RELN: variants seen among roughly 807,000 people sequenced by gnomAD.
RELN encodes reelin.
RELN carries 108 observed loss-of-function variants against 427.6 expected under a neutral mutation model. The ratio of observed to expected loss-of-function variants is 0.25; its 90% CI spans 0.22 to 0.30. The LOEUF (loss-of-function observed/expected upper bound fraction) is 0.30, where lower values mean the gene tolerates loss of function less well. Among genes scored for constraint, RELN ranks in the 10% least tolerant of loss-of-function variants. RELN has a pLI of 1.00. For missense variants in RELN, 3,715 were observed against 4,302.8 expected, an observed-to-expected ratio of 0.86 and a Z score of 3.82; for synonymous variants, 1,524 against 1,513.4, an observed-to-expected ratio of 1.01 and a Z score of -0.16.
Position 103,620,443 on chromosome 7 carries a change from G to A in RELN, c.2703-8640C>T, listed in dbSNP as rs534604332. Among the ~76,000 whole-genome samples, 3 of 150,010 alleles carry A rather than the reference G, an allele frequency of 2.0e-5. No individual in the cohort carries two copies. Among genetic ancestry groups the A allele is most frequent in the African/African-American group, 4.9e-5 (2 of 40,706 alleles). On this transcript the variant is annotated intron_variant, in intron 20 of 64. Transcript: ENST00000428762. This position sits in a 1 kb window ranked among gnomAD's most constrained non-coding sequence, Gnocchi z 4.1. ...TTGCATCCACATTATCTCCAGATTC[G>A]ATTTTGGTTGAAGATAACTCACCCG...
chr7:103,532,284 G>A (rs1338264276), intron 46 of RELN, among the ~76,000 whole-genome samples: 1 of 152,120 alleles, frequency 6.6e-6, no homozygotes, highest in Admixed American at 6.5e-5. Flanking sequence ...ACACACTGGG[G>A]CTTGTTGGAA....
chr7:103,734,930 G>A (rs1334522263), intron 6 of RELN, among the ~76,000 whole-genome samples: 1 of 152,088 alleles, frequency 6.6e-6, no homozygotes, highest in African/African-American at 2.4e-5. Context: ...GTAGAGCGAT[G>A]AGTGGACTTC....
intron 59 of RELN, 104 bp from the exon 60 acceptor site, chr7:103,490,003 C>G: frequency 1.5e-6 from 2 of 1,362,848 alleles, no homozygotes; most frequent in South Asian, 2.4e-5. Flanking sequence ...GAGAAAAGGG[C>G]TTCCCAAATG....
chr7:103,954,407 GGTGT>G (rs376409034), intron 1 of RELN, among the ~76,000 whole-genome samples: 23 of 151,514 alleles, frequency 1.5e-4, no homozygotes, highest in African/African-American at 5.3e-4. Flanking sequence ...AGTTTGTGAG[GGTGT>G]GTGTGTGTGT....
At chr7:103,748,137 A>T (rs1790893695) in intron 6 of RELN, among the ~76,000 whole-genome samples, 1 of 129,864 alleles carries the variant, frequency 7.7e-6, no homozygotes, top group African/African-American at 2.7e-5. Context: ...CTACTTAGAA[A>T]GGTTTTTTTT....
At chr7:103,848,836 T>C (rs970507987) in intron 2 of RELN, among the ~76,000 whole-genome samples, 1 of 152,216 alleles carries the variant, frequency 6.6e-6, no homozygotes, top group African/African-American at 2.4e-5. Context: ...AAATAACTGA[T>C]AGTTTTTAAA....
rs1319875065 is a variant in RELN, at chr7:103,473,033, G to A, written c.10287-125C>T. 3.5e-6 allele frequency: 3 copies of A among 855,636 alleles called. No homozygotes were observed. In the East Asian group the frequency reaches 7.4e-5, roughly 21 times the overall value. The allele number at this position is 855,636 out of a possible 1,614,324, so 53.0% of individuals were successfully genotyped here. ...TGATATTTGTTTGAAAATTTTCAGG[G>A]TTAATAGGTCATGCTCACATTACCA... On this transcript the variant is annotated intron_variant, in intron 64 of 64. Coordinates refer to ENST00000428762, the MANE Select transcript of RELN (RefSeq NM_005045.4).
At chr7:103,963,675 ATCAT>A (rs1341905667) in intron 1 of RELN, among the ~76,000 whole-genome samples, 1 of 152,220 alleles carries the variant, frequency 6.6e-6, no homozygotes, top group Non-Finnish European at 1.5e-5. Flanking sequence ...CAGGTGTTAA[ATCAT>A]TCATTTTGTT....
rs768171488 is a variant in RELN at position 103,566,259 on chromosome 7, G to C, written c.4901C>G (p.Ser1634Cys). The C allele has an allele frequency of 2.5e-6, 4 of 1,613,870 alleles. No individual in the cohort carries two copies. The South Asian group carries it at 4.4e-5, about 18-fold the overall frequency. Residue 1634 changes from serine (S) to cysteine (C), a missense_variant, in exon 33 of 65, where the codon TCT becomes TGT. Ser to Cys is a moderately radical substitution (Grantham distance 112, BLOSUM62 -1). Around this residue, in one of 4 missense-constraint regions of RELN, gnomAD observed 2,208 missense variants for 2,361.7 expected, o/e 0.93. Transcript: ENST00000428762. ...QGGQVDIDCL[S>C]MDTALIFTEN... ...AGTGAATATCAGAGCAGTATCCATA[G>C]AGAGACAGTCAATATCAACTTGACC...
chr7:103,865,060 G>C (rs1283342271), intron 2 of RELN, among the ~76,000 whole-genome samples: 1 of 145,810 alleles, frequency 6.9e-6, no homozygotes, highest in Admixed American at 7.0e-5. Flanking sequence ...GTTGAACCTG[G>C]AAGGCAGAGG....
chr7:103,510,117 CACCCAGCAATCCCATTACTGGGTATAT>C (rs1829356893), intron 51 of RELN, among the ~76,000 whole-genome samples: 1 of 152,088 alleles, frequency 6.6e-6, no homozygotes, highest in South Asian at 2.1e-4. Flanking sequence ...AATACCATTG[CACCCAGCAATCCCATTACTGGGTATAT>C]ACCCAAAGGA....
chr7:103,841,126 G>A (rs1793541149), intron 2 of RELN, among the ~76,000 whole-genome samples: 1 of 152,150 alleles, frequency 6.6e-6, no homozygotes, highest in Admixed American at 6.5e-5. Flanking sequence ...GGCAAAGAAA[G>A]TGGAGTTTAT....
intron 3 of RELN, among the ~76,000 whole-genome samples, chr7:103,780,137 C>T (rs548180271): frequency 4.6e-5 from 7 of 152,298 alleles, no homozygotes; most frequent in South Asian, 4.1e-4. Context: ...TCATCATTTC[C>T]GTTGGAACTC....
chr7:103,960,494 T>C (rs1320326082), intron 1 of RELN, among the ~76,000 whole-genome samples: 2 of 152,202 alleles, frequency 1.3e-5, no homozygotes, highest in African/African-American at 2.4e-5. Context: ...TCATCTAACA[T>C]ACTATATATT....
intron 2 of RELN, among the ~76,000 whole-genome samples, chr7:103,891,384 G>GT (rs1186542464): frequency 6.6e-6 from 1 of 152,232 alleles, no homozygotes; most frequent in African/African-American, 2.4e-5. Context: ...GCTGGCCATG[G>GT]TAATTAATGT....
At chr7:103,958,704 G>C (rs956959209) in intron 1 of RELN, among the ~76,000 whole-genome samples, 4 of 152,116 alleles carry the variant, frequency 2.6e-5, no homozygotes, top group African/African-American at 9.7e-5. Flanking sequence ...ACTCTGCAAT[G>C]GCTCTCAGAA....
chr7:103,801,533 G>A (rs1792465840), intron 3 of RELN, among the ~76,000 whole-genome samples: 1 of 145,264 alleles, frequency 6.9e-6, no homozygotes, highest in African/African-American at 2.6e-5. Context: ...TCAACAATGA[G>A]AACACATGAA....
In RELN at chr7:103,702,190, A is replaced by C. The variant is rs571584868; in HGVS notation, c.806-1184T>G. On this transcript the variant is annotated intron_variant, in intron 8 of 64. Coordinates refer to ENST00000428762, the MANE Select transcript of RELN (RefSeq NM_005045.4). Reference sequence around the variant, plus strand: ...AATTGTTGCTAAAACTCTACTTTTCATGAGCAGCTGCTTAAAATAAATATC... The same window carrying C: ...AATTGTTGCTAAAACTCTACTTTTCCTGAGCAGCTGCTTAAAATAAATATC... 8.3e-4 allele frequency among the ~76,000 whole-genome samples: 126 copies of C among 152,350 alleles called. 1 individual carries two copies. The highest frequency in any genetic ancestry group is 3.0e-3 in the African/African-American group (125 of 41,590).
At chr7:103,835,026 T>C (rs1267246739) in intron 2 of RELN, among the ~76,000 whole-genome samples, 1 of 152,208 alleles carries the variant, frequency 6.6e-6, no homozygotes, top group Admixed American at 6.5e-5. Context: ...TTATTCATAA[T>C]TGCCAAAAGT....
Sources: gnomAD v4.1 joint callset for allele counts (sites outside exome capture counted in the v4.1 genomes callset) on GRCh38, gnomAD v4.1.1 for gene constraint, gnomAD v4.1.1 regional missense constraint, Gnocchi (gnomAD v3.1) non-coding constraint, MANE v1.5 for transcripts, NCBI Gene and HGNC (gene_info 2026-07-23, HGNC 2026-07-21) for gene names.